The following ST6GALNAC5 variants were observed in gnomAD, a reference collection of about 807,000 sequenced individuals.
ST6GALNAC5 encodes alpha-N-acetylgalactosaminide alpha-2,6-sialyltransferase 5.
ST6GALNAC5 carries 27 observed loss-of-function variants against 33.6 expected under a neutral mutation model. The observed-to-expected ratio is 0.80, with a 90% CI of 0.59 to 1.11. The LOEUF (loss-of-function observed/expected upper bound fraction) is 1.11. Ranked by LOEUF, ST6GALNAC5 falls within the 50% of genes least tolerant of loss-of-function variation. The pLI, the probability that ST6GALNAC5 is intolerant of heterozygous loss-of-function variation, is 0.00. For missense variants in ST6GALNAC5, 428 were observed against 454.0 expected, an observed-to-expected ratio of 0.94 and a Z score of 0.52; for synonymous variants, 194 against 171.2, an observed-to-expected ratio of 1.13 and a Z score of -1.04.
At chr1:76,960,829 T>C (rs1285358166) in intron 2 of ST6GALNAC5, among the ~76,000 whole-genome samples, 1 of 152,192 alleles carries the variant, frequency 6.6e-6, no homozygotes, top group Non-Finnish European at 1.5e-5. Flanking sequence ...TTCTGAACGT[T>C]GCTGTTATCC....
chr1:77,002,174 T>C (rs1161510291), intron 2 of ST6GALNAC5, among the ~76,000 whole-genome samples: 2 of 152,348 alleles, frequency 1.3e-5, no homozygotes, highest in East Asian at 3.9e-4. Context: ...CAGTTCCTGT[T>C]ATTGGTCTAT....
rs115765915 is a variant in ST6GALNAC5, at chr1:76,941,700, C to T, written c.261+72958C>T. Among the ~76,000 whole-genome samples the T allele has an allele frequency of 2.3e-3, 352 of 152,158 alleles. 1 individual carries two copies. The highest frequency in any genetic ancestry group is 7.7e-3 in the African/African-American group (318 of 41,548). On this transcript the variant is annotated intron_variant, in intron 2 of 4. Coordinates refer to ENST00000477717, the MANE Select transcript of ST6GALNAC5 (RefSeq NM_030965.3). ...GAGGCAGAGACTGGAGTGAGGCAATCACAAGCCAGTTATGCCTGGGTCACC... is the reference window on the plus strand; with the variant it reads ...GAGGCAGAGACTGGAGTGAGGCAATTACAAGCCAGTTATGCCTGGGTCACC...
At chr1:76,987,734 T>C (rs988157401) in intron 2 of ST6GALNAC5, among the ~76,000 whole-genome samples, 3 of 152,134 alleles carry the variant, frequency 2.0e-5, no homozygotes, top group Non-Finnish European at 2.9e-5. Context: ...TAGTAACCCA[T>C]ATAATGGAAT....
intron 2 of ST6GALNAC5, among the ~76,000 whole-genome samples, chr1:76,915,136 C>G (rs1646957069): frequency 6.6e-6 from 1 of 151,692 alleles, no homozygotes. Flanking sequence ...ATCAAAACCA[C>G]AATGAGATAC....
intron 2 of ST6GALNAC5, among the ~76,000 whole-genome samples, chr1:77,023,126 A>C (rs1358390683): frequency 1.3e-5 from 2 of 152,204 alleles, no homozygotes; most frequent in Non-Finnish European, 2.9e-5. Context: ...AGGCCCCTGC[A>C]AGCCAAGGGA....
At position 76,868,482 on chromosome 1, in the gene ST6GALNAC5, C is replaced by T; in HGVS notation, c.16-15C>T. On this transcript the variant is annotated splice_polypyrimidine_tract_variant and intron_variant, in intron 1 of 4. Coordinates refer to ENST00000477717, the MANE Select transcript of ST6GALNAC5 (RefSeq NM_030965.3). This position sits in a 1 kb window ranked among gnomAD's most constrained non-coding sequence, Gnocchi z 4.3. ...GCTCAGCCGCTCTCCTCTTCTCTCT[C>T]CCGCCCGCCCGCAGCGCCATGGTCT... The T allele has an allele frequency of 6.3e-7, 1 of 1,596,088 alleles. No individual in the cohort carries two copies. The highest frequency in any genetic ancestry group is 8.6e-7 in the Non-Finnish European group (1 of 1,168,806).
chr1:76,955,412 G>A (rs1647918377), intron 2 of ST6GALNAC5, among the ~76,000 whole-genome samples: 1 of 152,120 alleles, frequency 6.6e-6, no homozygotes, highest in Admixed American at 6.6e-5. Flanking sequence ...TACAAAAGGT[G>A]AGGGTAAATT....
At chr1:77,028,300 T>C (rs1450158628) in intron 2 of ST6GALNAC5, among the ~76,000 whole-genome samples, 1 of 152,168 alleles carries the variant, frequency 6.6e-6, no homozygotes, top group Non-Finnish European at 1.5e-5. Flanking sequence ...CAAAACTTCC[T>C]AGCAAATCAG....
intron 2 of ST6GALNAC5, among the ~76,000 whole-genome samples, chr1:76,875,386 T>C (rs926905621): frequency 1.3e-5 from 2 of 152,102 alleles, no homozygotes; most frequent in Admixed American, 6.6e-5. Context: ...CCCTAAAGGA[T>C]CTCCCGTATC....
chr1:77,004,955 G>T (rs904637427), intron 2 of ST6GALNAC5, among the ~76,000 whole-genome samples: 37 of 148,792 alleles, frequency 2.5e-4, no homozygotes, highest in African/African-American at 7.8e-4. Flanking sequence ...GTTTGTCTGT[G>T]CCCTGCCCCC....
intron 2 of ST6GALNAC5, among the ~76,000 whole-genome samples, chr1:76,982,506 G>A (rs1480860285): frequency 6.6e-6 from 1 of 152,134 alleles, no homozygotes; most frequent in African/African-American, 2.4e-5. Flanking sequence ...AAGAAATATG[G>A]GACTATGTGA....
At chr1:76,926,296 A>C (rs1647084978) in intron 2 of ST6GALNAC5, among the ~76,000 whole-genome samples, 1 of 152,176 alleles carries the variant, frequency 6.6e-6, no homozygotes, top group African/African-American at 2.4e-5. Flanking sequence ...TGCAAAAGTT[A>C]AAATAGCATG....
intron 2 of ST6GALNAC5, among the ~76,000 whole-genome samples, chr1:76,976,127 GAAGA>G (rs1048658994): frequency 4.5e-4 from 69 of 152,100 alleles, no homozygotes; most frequent in African/African-American, 1.6e-3. Context: ...AAAAATTAAA[GAAGA>G]AAGACAGAGA....
chr1:77,014,523 C>A (rs572986959), intron 2 of ST6GALNAC5, among the ~76,000 whole-genome samples: 1 of 152,324 alleles, frequency 6.6e-6, no homozygotes, highest in African/African-American at 2.4e-5. Context: ...AATTTTATGA[C>A]AGTAACTACC....
At chr1:76,939,480 T>C (rs1198427209) in intron 2 of ST6GALNAC5, among the ~76,000 whole-genome samples, 2 of 152,044 alleles carry the variant, frequency 1.3e-5, no homozygotes, top group African/African-American at 4.8e-5. Context: ...CACCCCAGCA[T>C]TCCTGACATA....
chr1:76,970,389 A>G (rs1648697368), intron 2 of ST6GALNAC5, among the ~76,000 whole-genome samples: 1 of 151,926 alleles, frequency 6.6e-6, no homozygotes, highest in African/African-American at 2.4e-5. Context: ...AAACCATGGC[A>G]CGAGAACTAC....
At chr1:77,004,761 C>G (rs1319032662) in intron 2 of ST6GALNAC5, among the ~76,000 whole-genome samples, 1 of 125,466 alleles carries the variant, frequency 8.0e-6, no homozygotes, top group African/African-American at 2.5e-5. Flanking sequence ...TGTGAGGTGT[C>G]AGTGTGCCCC....
chr1:77,032,392 A>C (rs2100449246), intron 2 of ST6GALNAC5, among the ~76,000 whole-genome samples: 1 of 152,284 alleles, frequency 6.6e-6, no homozygotes, highest in South Asian at 2.1e-4. Context: ...TGAAAAAGAT[A>C]GTGAGTTGAA....
chr1:76,950,373 A>T (rs1324653348), intron 2 of ST6GALNAC5, among the ~76,000 whole-genome samples: 1 of 152,132 alleles, frequency 6.6e-6, no homozygotes, highest in Non-Finnish European at 1.5e-5. Context: ...TATGTAATAT[A>T]TATTCTTTAG....
Sources: gnomAD v4.1 joint callset for allele counts (sites outside exome capture counted in the v4.1 genomes callset) on GRCh38, gnomAD v4.1.1 for gene constraint, Gnocchi (gnomAD v3.1) non-coding constraint, MANE v1.5 for transcripts, NCBI Gene and HGNC (gene_info 2026-07-23, HGNC 2026-07-21) for gene names.